Variants in VCL observed in about 807,000 individuals in gnomAD.
VCL encodes the protein vinculin, also known as epididymis luminal protein 114.
VCL carries 47 observed loss-of-function variants against 125.7 expected under a neutral mutation model. The observed-to-expected ratio is 0.37, with a 90% CI of 0.30 to 0.48. The LOEUF (loss-of-function observed/expected upper bound fraction) is 0.48. Ranked by LOEUF, VCL falls within the 20% of genes least tolerant of loss-of-function variation. The probability of loss-of-function intolerance (pLI) is 0.99; values close to 1 mark genes in which losing one functional copy is unlikely to be tolerated. For missense variants in VCL, 1,069 were observed against 1,455.5 expected (o/e 0.73, Z 4.32); for synonymous variants, 458 against 514.6 (o/e 0.89, Z 1.49).
At position 74,107,268 on chromosome 10, in the gene VCL, C is replaced by T; in HGVS notation, c.2473C>T (p.Leu825=). The T allele has an allele frequency of 1.9e-6, 3 of 1,614,190 alleles. No individual in the cohort carries two copies. Among genetic ancestry groups the T allele is most frequent in the Non-Finnish European group, 2.5e-6 (3 of 1,180,022 alleles). ...CTTCCTGGACTCAGGATATCGGATCCTGGGAGCTGTGGCCAAGGTCAGAGA... is the reference window on the plus strand; with the variant it reads ...CTTCCTGGACTCAGGATATCGGATCTTGGGAGCTGTGGCCAAGGTCAGAGA... ...KSFLDSGYRI[L]GAVAKVREAF... Residue 825 remains leucine (L), a synonymous_variant, in exon 17 of 22, where the codon CTG becomes TTG. Transcript: ENST00000211998.
At chr10:74,098,693 C>T (rs80215722) in intron 13 of VCL, among the ~76,000 whole-genome samples, 48 of 152,320 alleles carry the variant, frequency 3.2e-4, no homozygotes, top group African/African-American at 1.1e-3. Context: ...GTACCCAAGA[C>T]AGTGTAGAAC....
chr10:74,100,613 G>A (rs1331021936), intron 13 of VCL, among the ~76,000 whole-genome samples: 2 of 152,132 alleles, frequency 1.3e-5, no homozygotes, highest in Non-Finnish European at 2.9e-5. Context: ...TGAGAATGGG[G>A]GTTGTTTAGT....
intron 1 of VCL, among the ~76,000 whole-genome samples, chr10:74,023,397 T>G (rs1319648463): frequency 6.6e-6 from 1 of 152,248 alleles, no homozygotes; most frequent in Non-Finnish European, 1.5e-5. Context: ...GTATACTCTA[T>G]GATGTTCACA....
At chr10:74,020,583 G>A (rs1840641183) in intron 1 of VCL, among the ~76,000 whole-genome samples, 3 of 152,176 alleles carry the variant, frequency 2.0e-5, no homozygotes, top group South Asian at 2.1e-4. Flanking sequence ...GCTCATGCCT[G>A]TAATCCCAAC....
intron 2 of VCL, among the ~76,000 whole-genome samples, chr10:74,064,144 C>T (rs60709638): frequency 0.063 from 9,548 of 152,170 alleles, 1,021 homozygotes; most frequent in African/African-American, 0.22. Flanking sequence ...GAATGGCTCA[C>T]ATAACTCACA....
chr10:74,113,371 T>C (rs1840260891), intron 19 of VCL, among the ~76,000 whole-genome samples: 1 of 152,222 alleles, frequency 6.6e-6, no homozygotes, highest in Non-Finnish European at 1.5e-5. Flanking sequence ...ACAGCCTGAA[T>C]CACGACTTTT....
chr10:74,087,156 T>G (rs908516090), intron 8 of VCL, among the ~76,000 whole-genome samples: 1 of 152,060 alleles, frequency 6.6e-6, no homozygotes, highest in African/African-American at 2.4e-5. Context: ...AAAGACTATG[T>G]TTCCTAAAAG....
chr10:74,065,770 C>T (rs1165832491), intron 2 of VCL, among the ~76,000 whole-genome samples: 5 of 151,640 alleles, frequency 3.3e-5, no homozygotes, highest in Non-Finnish European at 7.4e-5. Context: ...AAAGTTCAGA[C>T]GATGAGGATC....
intron 1 of VCL, among the ~76,000 whole-genome samples, chr10:74,035,574 T>G (rs1453392509): frequency 6.6e-6 from 1 of 152,200 alleles, no homozygotes; most frequent in Non-Finnish European, 1.5e-5. Context: ...CACCACCTAG[T>G]GGACACATAG....
intron 18 of VCL, among the ~76,000 whole-genome samples, chr10:74,110,620 G>A (rs1840205524): frequency 6.6e-6 from 1 of 152,210 alleles, no homozygotes; most frequent in Non-Finnish European, 1.5e-5. Flanking sequence ...AGGCAAAAGA[G>A]TTTAGATGGT....
At chr10:74,113,160 A>G (rs754498066) in intron 19 of VCL, among the ~76,000 whole-genome samples, 3 of 152,172 alleles carry the variant, frequency 2.0e-5, no homozygotes, top group Non-Finnish European at 4.4e-5. Flanking sequence ...GGGAAAAATG[A>G]GTAGGGCCTG....
chr10:74,104,296 G>C (rs915385938), intron 15 of VCL, among the ~76,000 whole-genome samples: 1 of 152,072 alleles, frequency 6.6e-6, no homozygotes, highest in Non-Finnish European at 1.5e-5. Flanking sequence ...ATTTTCAGTG[G>C]GTTCACATTT....
At chr10:74,055,149 A>G (rs1841370272) in intron 2 of VCL, among the ~76,000 whole-genome samples, 1 of 151,598 alleles carries the variant, frequency 6.6e-6, no homozygotes, top group Admixed American at 6.6e-5. Flanking sequence ...AAAATACAGA[A>G]ATTAGCTGGG....
chr10:74,073,998 T>G (rs1323492165), intron 5 of VCL, among the ~76,000 whole-genome samples: 1 of 151,986 alleles, frequency 6.6e-6, no homozygotes, highest in Non-Finnish European at 1.5e-5. Flanking sequence ...GAGGCCGAGG[T>G]GGGTGGATCA....
At chr10:74,069,004 T>G (rs1218667841) in intron 2 of VCL, among the ~76,000 whole-genome samples, 2 of 151,726 alleles carry the variant, frequency 1.3e-5, no homozygotes, top group Non-Finnish European at 2.9e-5. Context: ...ATCAAACAGG[T>G]CTTGCCCTTC....
chr10:74,049,042 G>A (rs1182440984), intron 2 of VCL, among the ~76,000 whole-genome samples: 10 of 152,166 alleles, frequency 6.6e-5, no homozygotes, highest in Non-Finnish European at 2.9e-5. Flanking sequence ...AGGAGGCGGA[G>A]TTTGCAGTGA....
At position 74,119,602 on chromosome 10, in the gene VCL, T is replaced by C. The variant is rs913945508; in HGVS notation, c.*1433T>C. ...TATTTCCCAGCACATGAAACCTTAT[T>C]TTTTCCCAAAGCCAGAACCAGATGA... On this transcript the variant is annotated 3_prime_UTR_variant, in exon 22 of 22. Transcript: ENST00000211998. The C allele has an allele frequency of 6.6e-6, 1 of 152,216 alleles. No individual in the cohort carries two copies. Among genetic ancestry groups the C allele is most frequent in the Non-Finnish European group, 1.5e-5 (1 of 68,038 alleles). 9.4% of individuals were successfully genotyped at this position (152,216 alleles called of 1,614,324 possible). A position where few individuals can be genotyped will look rare whatever the true frequency, so the allele number is the denominator to read the frequency against.
intron 1 of VCL, among the ~76,000 whole-genome samples, chr10:74,002,648 C>G (rs1840248154): frequency 6.6e-6 from 1 of 151,366 alleles, no homozygotes; most frequent in Admixed American, 6.6e-5. Context: ...CTTTGGGAGG[C>G]CGAGGCGGGC....
chr10:74,058,767 T>G (rs1841428457), intron 2 of VCL, among the ~76,000 whole-genome samples: 1 of 152,186 alleles, frequency 6.6e-6, no homozygotes, highest in Non-Finnish European at 1.5e-5. Flanking sequence ...GGATGACTGC[T>G]TTTTACAGAA....
Sources: allele counts gnomAD v4.1 joint callset (sites outside exome capture counted in the v4.1 genomes callset), GRCh38; gene constraint gnomAD v4.1.1; transcripts MANE v1.5; gene names NCBI Gene and HGNC (gene_info 2026-07-23, HGNC 2026-07-21).